The following ZNF99 variants were observed in gnomAD, a reference collection of about 807,000 sequenced individuals.
ZNF99 encodes the protein zinc finger protein 99, also known as zinc finger protein ENSP00000375192.
A neutral mutation model predicts 12.8 loss-of-function variants in ZNF99; 8 were observed. That is an observed-to-expected ratio of 0.62 (90% CI 0.37 to 1.13). The LOEUF (loss-of-function observed/expected upper bound fraction) is 1.13, where lower values mean the gene tolerates loss of function less well. Among genes scored for constraint, ZNF99 ranks in the 50% most tolerant of loss-of-function variants. ZNF99 has a pLI of 0.02. For missense variants in ZNF99, 1,007 were observed against 1,006.2 expected (o/e 1.00, Z -0.01); for synonymous variants, 318 against 319.0 (o/e 1.00, Z 0.03).
intron 1 of ZNF99, among the ~76,000 whole-genome samples, chr19:22,782,080 T>TA (rs1568389399): frequency 6.6e-6 from 1 of 152,266 alleles, no homozygotes; most frequent in South Asian, 2.1e-4. Context: ...AATGCTTTGT[T>TA]AAAAAATAAA....
chr19:22,775,915 G>A (rs1279689323), intron 1 of ZNF99, among the ~76,000 whole-genome samples: 1 of 151,954 alleles, frequency 6.6e-6, no homozygotes, highest in Non-Finnish European at 1.5e-5. Flanking sequence ...TCAGCTTCTC[G>A]GGAGGCTGAG....
intron 3 of ZNF99, among the ~76,000 whole-genome samples, chr19:22,760,720 G>T (rs1428004243): frequency 6.6e-6 from 1 of 151,894 alleles, no homozygotes; most frequent in South Asian, 2.1e-4. Context: ...CTCCAGCCTG[G>T]GCGACAGAGA....
At chr19:22,772,404 G>A (rs544972294) in intron 1 of ZNF99, among the ~76,000 whole-genome samples, 3 of 152,176 alleles carry the variant, frequency 2.0e-5, no homozygotes, top group African/African-American at 4.8e-5. Context: ...CAAAAAGAAG[G>A]TCGGGTACGG....
intron 3 of ZNF99, among the ~76,000 whole-genome samples, 160 bp from the exon 4 acceptor site, chr19:22,759,842 C>G (rs1973131171): frequency 6.6e-6 from 1 of 152,092 alleles, no homozygotes; most frequent in Admixed American, 6.5e-5. Flanking sequence ...GTAATAAAAA[C>G]ATACTGACCA....
rs1330765161 is a variant in ZNF99, at chr19:22,769,333, C to G, written c.4-9G>C. Reference sequence around the variant, plus strand: ...CAAAATGTCAACGATCCCTGAAAAACACAACAAAGATACATATAGATTTCC... The same window carrying G: ...CAAAATGTCAACGATCCCTGAAAAAGACAACAAAGATACATATAGATTTCC... On this transcript the variant is annotated splice_polypyrimidine_tract_variant and intron_variant, in intron 1 of 3. Transcript: ENST00000596209. The G allele has an allele frequency of 6.2e-7, 1 of 1,601,170 alleles. No individual in the cohort carries two copies. Among genetic ancestry groups the G allele is most frequent in the Non-Finnish European group, 8.5e-7 (1 of 1,174,396 alleles).
chr19:22,755,909 C>T lies in ZNF99; in HGVS notation c.*1405G>A. 2.9e-6 allele frequency: 1 copy of T among 348,062 alleles called. No individual in the cohort carries two copies. 21.6% of individuals were successfully genotyped at this position (348,062 alleles called of 1,614,324 possible). A position where few individuals can be genotyped will look rare whatever the true frequency, so the allele number is the denominator to read the frequency against. ...TTAGGAATTCTCTCATTTTGAGTAA[C>T]AGCTGAGCAATGGTTAAAAGCTTTG... On this transcript the variant is annotated 3_prime_UTR_variant, in exon 4 of 4. Transcript: ENST00000596209.
rs1471349938 is a variant in ZNF99, at chr19:22,769,058, A to G, written c.130+140T>C. On this transcript the variant is annotated intron_variant, in intron 2 of 3. Coordinates refer to ENST00000596209, the MANE Select transcript of ZNF99 (RefSeq NM_001080409.3). ...AAAAAAAAAAAAAATTCTTTTCTAC[A>G]CTTTCAAATCCCTGTTTTCAGAAAA... is the stretch of plus-strand genomic sequence containing the variant. The G allele has an allele frequency of 5.4e-6, 5 of 917,512 alleles. No homozygotes were observed. The African/African-American group carries it at 8.9e-5, about 16-fold the overall frequency. 56.8% of individuals were successfully genotyped at this position (917,512 alleles called of 1,614,324 possible).
At chr19:22,763,441 T>C (rs1298322556) in intron 3 of ZNF99, among the ~76,000 whole-genome samples, 4 of 151,226 alleles carry the variant, frequency 2.6e-5, no homozygotes, top group Non-Finnish European at 5.9e-5. Context: ...AAAAGACCTC[T>C]ACAAGGAAAA....
chr19:22,783,865 C>A, intron 1 of ZNF99, 149 bp downstream of exon 1: 2 of 1,042,638 alleles, frequency 1.9e-6, no homozygotes, highest in Admixed American at 1.8e-5. Flanking sequence ...CATCTTATGG[C>A]TGAAGGAGAC....
At chr19:22,772,469 G>A (rs184734607) in intron 1 of ZNF99, among the ~76,000 whole-genome samples, 315 of 152,194 alleles carry the variant, frequency 2.1e-3, no homozygotes, top group African/African-American at 7.1e-3. Flanking sequence ...ACCTGAGGTT[G>A]GGAACTCAAG....
chr19:22,768,472 T>C, intron 2 of ZNF99, 72 bp from the exon 3 acceptor site: 2 of 1,273,246 alleles, frequency 1.6e-6, no homozygotes, highest in East Asian at 5.2e-5. Context: ...AAAGAGAATG[T>C]AATAGAATAT....
chr19:22,769,016 C>T lies in ZNF99; in HGVS notation c.130+182G>A, dbSNP rs189570465. The stretch of plus-strand genomic sequence containing the variant: ...TGCACTCCAGCCTGGGCAACAAGAG[C>T]GAAACTCTGTTTCAAAAAAAAAAAA... On this transcript the variant is annotated intron_variant, in intron 2 of 3. Coordinates refer to ENST00000596209, the MANE Select transcript of ZNF99 (RefSeq NM_001080409.3). Among the ~76,000 whole-genome samples the T allele has an allele frequency of 1.7e-3, 251 of 144,418 alleles. 1 individual carries two copies. The highest frequency in any genetic ancestry group is 6.3e-3 in the South Asian group (29 of 4,586). 94.7% of individuals were successfully genotyped at this position (144,418 alleles called of 152,430 possible).
At chr19:22,763,337 C>A (rs554063793) in intron 3 of ZNF99, among the ~76,000 whole-genome samples, 1 of 151,880 alleles carries the variant, frequency 6.6e-6, no homozygotes, top group African/African-American at 2.4e-5. Flanking sequence ...TATACACCAA[C>A]AGCGACGAAG....
At chr19:22,767,658 A>G (rs1302479940) in intron 3 of ZNF99, among the ~76,000 whole-genome samples, 1 of 152,226 alleles carries the variant, frequency 6.6e-6, no homozygotes, top group Non-Finnish European at 1.5e-5. Flanking sequence ...ACATAGCAAC[A>G]TAACAGTTGC....
chr19:22,758,843 G>T lies in ZNF99; in HGVS notation c.1066C>A (p.Leu356Ile), dbSNP rs1267433487. 2 of 1,606,060 alleles carry T rather than the reference G, an allele frequency of 1.2e-6. No homozygotes were observed. The highest frequency in any genetic ancestry group is 1.7e-6 in the Non-Finnish European group (2 of 1,175,008). ...GTATGAATTATCTCATGTTTTCTAA[G>T]GGTTGAGGACTGGCTAAAAGCTTTG... ...CGKAFSQSST[L>I]RKHEIIHTEE... Residue 356 changes from leucine to isoleucine, a missense_variant, in exon 4 of 4, where the codon CTT becomes ATT. Leu to Ile is a conservative substitution (Grantham distance 5). Coordinates refer to ENST00000596209, the MANE Select transcript of ZNF99 (RefSeq NM_001080409.3).
chr19:22,783,372 T>C (rs772187011), intron 1 of ZNF99, among the ~76,000 whole-genome samples: 18 of 152,086 alleles, frequency 1.2e-4, no homozygotes, highest in Admixed American at 3.9e-4. Context: ...CTTAACCAAC[T>C]ATAAACTACA....
rs74455660 is a variant in ZNF99, at chr19:22,758,075, G to C, written c.1834C>G (p.Gln612Glu). The C allele has an allele frequency of 1.1e-5, 18 of 1,566,454 alleles. No homozygotes were observed. The highest frequency in any genetic ancestry group is 2.3e-5 in the South Asian group (2 of 87,496). Residue 612 changes from glutamine (Q) to glutamate (E), a missense_variant, in exon 4 of 4, where the codon CAG becomes GAG. Physicochemically the swap from Gln to Glu is conservative, Grantham distance 29. Coordinates refer to ENST00000596209, the MANE Select transcript of ZNF99 (RefSeq NM_001080409.3). Reference protein sequence around the residue: ...FNHFSALRKHQIIHTGKKPYK... With the variant: ...FNHFSALRKHEIIHTGKKPYK... ...GGTTTCTTTCCAGTATGAATTATCTGATGTTTTCTAAGGGCTGAGAAGTGG... is the reference window on the plus strand; with the variant it reads ...GGTTTCTTTCCAGTATGAATTATCTCATGTTTTCTAAGGGCTGAGAAGTGG...
intron 1 of ZNF99, among the ~76,000 whole-genome samples, chr19:22,776,263 A>G (rs981706966): frequency 6.6e-6 from 1 of 151,052 alleles, no homozygotes; most frequent in Non-Finnish European, 1.5e-5. Flanking sequence ...AGGCAGGAGA[A>G]TCACTTGAAC....
At chr19:22,766,839 T>C (rs111447852) in intron 3 of ZNF99, among the ~76,000 whole-genome samples, 12,989 of 150,490 alleles carry the variant, frequency 0.086, 575 homozygotes, top group Middle Eastern at 0.11. Flanking sequence ...TTAGCAGACA[T>C]AGGGTTTCTC....
Sources: gnomAD v4.1 joint callset for allele counts (sites outside exome capture counted in the v4.1 genomes callset) on GRCh38, gnomAD v4.1.1 for gene constraint, MANE v1.5 for transcripts, NCBI Gene and HGNC (gene_info 2026-07-23, HGNC 2026-07-21) for gene names.